The following ERN2 variants were observed in gnomAD, a reference collection of about 807,000 sequenced individuals.
ERN2 encodes endoplasmic reticulum to nucleus signaling 2, also known as serine/threonine-protein kinase/endoribonuclease IRE2.
A neutral mutation model predicts 107.9 loss-of-function variants in ERN2; 111 were observed. The ratio of observed to expected loss-of-function variants is 1.03; its 90% confidence interval spans 0.88 to 1.20. The LOEUF (loss-of-function observed/expected upper bound fraction) is 1.20, where lower values mean the gene tolerates loss of function less well. ERN2 is among the 50% of genes most tolerant of loss of function. The pLI is 0.00. For missense variants in ERN2, 1,225 were observed against 1,197.9 expected, an observed-to-expected ratio of 1.02 and a Z score of -0.33; for synonymous variants, 524 against 501.7, an observed-to-expected ratio of 1.04 and a Z score of -0.59.
intron 4 of ERN2, among the ~76,000 whole-genome samples, chr16:23,708,086 G>T (rs938992741): frequency 1.3e-5 from 2 of 152,096 alleles, no homozygotes; most frequent in Admixed American, 6.6e-5. Context: ...TTCCTCTACC[G>T]AAGCCCTGAG....
At chr16:23,695,725 A>T (rs12933878) in intron 14 of ERN2, among the ~76,000 whole-genome samples, 169 bp downstream of exon 14, 1 of 146,682 alleles carries the variant, frequency 6.8e-6, no homozygotes, top group Non-Finnish European at 1.5e-5. Flanking sequence ...CAAGACTCAA[A>T]AAAAAAAAAA....
Position 23,691,018 on chromosome 16 carries a change from A to C in ERN2, c.2594T>G (p.Val865Gly). ...NKKHHYRELP[V>G]EVRQALGQVP... ...TTGGCCGAGTGCCTGTCGCACCTCA[A>C]CTGGGAGCTCCCTGTAGTGGTGCTT... Residue 865 changes from valine (V) to glycine (G), a missense_variant, in exon 22 of 22, where the codon GTT (valine) becomes GGT (glycine). Physicochemically the swap from Val to Gly is moderately radical, Grantham distance 109. Coordinates refer to ENST00000256797, the MANE Select transcript of ERN2 (RefSeq NM_033266.4). The C allele has an allele frequency of 1.9e-6, 3 of 1,614,190 alleles. No homozygotes were observed. The highest frequency in any genetic ancestry group is 2.5e-6 in the Non-Finnish European group (3 of 1,180,022).
At chr16:23,701,271 A>AT (rs1434811908) in intron 11 of ERN2, among the ~76,000 whole-genome samples, 157 bp from the exon 12 acceptor site, 2 of 152,214 alleles carry the variant, frequency 1.3e-5, no homozygotes, top group Non-Finnish European at 2.9e-5. Context: ...CTGAAACATC[A>AT]TGTTGCCCAG....
At chr16:23,697,921 A>G (rs1362193511) in intron 13 of ERN2, among the ~76,000 whole-genome samples, 1 of 151,970 alleles carries the variant, frequency 6.6e-6, no homozygotes, top group African/African-American at 2.4e-5. Context: ...ATGCCTGGCT[A>G]ATCTTTTTGT....
In ERN2 at chr16:23,691,009, C is replaced by A. The variant is rs750229032; in HGVS notation, c.2603G>T (p.Arg868Leu). Residue 868 changes from arginine to leucine, a missense_variant, in exon 22 of 22, where the codon CGA (arginine) becomes CTA (leucine). Physicochemically the swap from Arg to Leu is moderately radical, Grantham distance 102. Transcript: ENST00000256797. The part of the protein sequence containing the change: ...HHYRELPVEV[R>L]QALGQVPDGF... ...ATCAGGGACTTGGCCGAGTGCCTGT[C>A]GCACCTCAACTGGGAGCTCCCTGTA... 1 of 1,614,144 alleles carries A rather than the reference C, an allele frequency of 6.2e-7. No homozygotes were observed. The highest frequency in any genetic ancestry group is 8.5e-7 in the Non-Finnish European group (1 of 1,180,036).
chr16:23,707,793 A>T (rs902200558), intron 4 of ERN2, among the ~76,000 whole-genome samples: 1 of 152,178 alleles, frequency 6.6e-6, no homozygotes, highest in Non-Finnish European at 1.5e-5. Context: ...AAAATCCAAA[A>T]CAACTCACAT....
chr16:23,708,090 C>T (rs911221940), intron 4 of ERN2, among the ~76,000 whole-genome samples: 7 of 152,172 alleles, frequency 4.6e-5, no homozygotes, highest in African/African-American at 1.7e-4. Flanking sequence ...TCTACCGAAG[C>T]CCTGAGGTCC....
At chr16:23,695,750 G>C in intron 14 of ERN2, 144 bp downstream of exon 14, 1 of 376,798 alleles carries the variant, frequency 2.7e-6, no homozygotes. Context: ...AAAAAAAACA[G>C]ATAAAGGAAA....
In ERN2 at chr16:23,690,956, A is replaced by G; in HGVS notation, c.2656T>C (p.Phe886Leu). 2 of 1,614,126 alleles carry G rather than the reference A, an allele frequency of 1.2e-6. No individual in the cohort carries two copies. The highest frequency in any genetic ancestry group is 1.7e-6 in the Non-Finnish European group (2 of 1,180,042). ...TGCGTGTGGAGGAGCAGCCGTGGGA[A>G]GCGGTTTGTGAAGTACTGGACGAAG... Reference protein sequence around the residue: ...DGFVQYFTNRFPRLLLHTHRA... With the variant: ...DGFVQYFTNRLPRLLLHTHRA... The change falls in exon 22 of 22, where the codon TTC becomes CTC. Residue 886 changes from phenylalanine (F) to leucine (L), a missense_variant. Physicochemically the swap from Phe to Leu is conservative, Grantham distance 22. Transcript: ENST00000256797.
At chr16:23,701,817 G>A (rs1476624541) in intron 11 of ERN2, among the ~76,000 whole-genome samples, 3 of 151,528 alleles carry the variant, frequency 2.0e-5, no homozygotes, top group African/African-American at 4.9e-5. Flanking sequence ...TTATTTTTTT[G>A]TAGAGATGGG....
chr16:23,710,962 G>C lies in ERN2; in HGVS notation c.150C>G (p.Leu50=). ...CCCCTGTCTGCTTGCTTAGTGCGTG[G>C]AGACTTCCATCCAAGGTGGACACCA... ...LLLVSTLDGS[L]HALSKQTGDL... is the part of the protein sequence containing the mutation. The change falls in exon 2 of 22, where the codon CTC becomes CTG. Residue 50 remains leucine, a synonymous_variant. Transcript: ENST00000256797. 1 of 1,614,140 alleles carries C rather than the reference G, an allele frequency of 6.2e-7. No homozygotes were observed. The highest frequency in any genetic ancestry group is 8.5e-7 in the Non-Finnish European group (1 of 1,179,998).
intron 12 of ERN2, 87 bp from the exon 13 acceptor site, chr16:23,700,791 C>A (rs1489039904): frequency 2.7e-6 from 4 of 1,506,596 alleles, no homozygotes; most frequent in African/African-American, 2.8e-5. Context: ...ATGGCCTCAC[C>A]AGACTGCATG....
chr16:23,697,263 T>C (rs1165137237), intron 13 of ERN2: 1 of 152,082 alleles, frequency 6.6e-6, no homozygotes. Context: ...CACCTTAGCA[T>C]TCCTCTGGAT....
rs1960313106 is a variant in ERN2, at chr16:23,706,379, G to A, written c.540C>T (p.Thr180=). ...DPRAPALRWN[T]TYRRYSAPPM... ...GGGGCGCTGAGTAGCGGCGGTAGGT[G>A]GTGTTCCAGCGCAGGGCTGGGGCTC... The change falls in exon 7 of 22, where the codon ACC becomes ACT. Residue 180 remains threonine, a synonymous_variant. Coordinates refer to ENST00000256797, the MANE Select transcript of ERN2 (RefSeq NM_033266.4). The A allele has an allele frequency of 3.2e-6, 5 of 1,570,874 alleles. No homozygotes were observed. The highest frequency in any genetic ancestry group is 4.3e-6 in the Non-Finnish European group (5 of 1,158,560).
At position 23,706,446 on chromosome 16, in the gene ERN2, A is replaced by G; in HGVS notation, c.488-15T>C. 2 of 1,543,118 alleles carry G rather than the reference A, an allele frequency of 1.3e-6. No homozygotes were observed. The highest frequency in any genetic ancestry group is 2.4e-5 in the East Asian group (1 of 41,520). On this transcript the variant is annotated splice_polypyrimidine_tract_variant and intron_variant, in intron 6 of 21. Transcript: ENST00000256797. ...GACCGTATACTCTGGGGATCCCAGA[A>G]GCAAGATTACCAGGAACGTCCATTT...
Position 23,691,143 on chromosome 16 carries a change from C to T in ERN2, c.2554G>A (p.Ala852Thr). 2 of 1,613,962 alleles carry T rather than the reference C, an allele frequency of 1.2e-6. No individual in the cohort carries two copies. The highest frequency in any genetic ancestry group is 2.2e-5 in the South Asian group (2 of 91,076). The change falls in exon 21 of 22, where the codon GCT becomes ACT. Residue 852 changes from alanine to threonine, a missense_variant. Coordinates refer to ENST00000256797, the MANE Select transcript of ERN2 (RefSeq NM_033266.4). ...CCAACACATACCTTGTTCCTCACAGCACGGAGCAGGTCTCGCACTGATGTC... is the reference window on the plus strand; with the variant it reads ...CCAACACATACCTTGTTCCTCACAGTACGGAGCAGGTCTCGCACTGATGTC... ...KGTSVRDLLR[A>T]VRNKKHHYRE... is the part of the protein sequence containing the mutation.
Position 23,694,715 on chromosome 16 carries a change from T to C in ERN2, c.2100+13A>G, listed in dbSNP as rs568630986. On this transcript the variant is annotated intron_variant, in intron 17 of 21. Transcript: ENST00000256797. Reference sequence around the variant, plus strand: ...GCAGCTGTGTGCCTGGAGGACTTGGTGGATAGACTCACAGGACTGTCTGGT... The same window carrying C: ...GCAGCTGTGTGCCTGGAGGACTTGGCGGATAGACTCACAGGACTGTCTGGT... 6 of 1,588,970 alleles carry C rather than the reference T, an allele frequency of 3.8e-6. No homozygotes were observed. The South Asian group carries it at 6.8e-5, about 18-fold the overall frequency.
Position 23,701,094 on chromosome 16 carries a change from C to T in ERN2, c.1224G>A (p.Glu408=). Reference sequence around the variant, plus strand: ...GATGCAGCTCGGAGTCCCAAAGTTTCTCTCGGCTCAGGCTCAATAGCTGGG... The same window carrying T: ...GATGCAGCTCGGAGTCCCAAAGTTTTTCTCGGCTCAGGCTCAATAGCTGGG... ...FFLELLSLSR[E]KLWDSELHPE... is the part of the protein sequence containing the mutation. The change falls in exon 12 of 22, where the codon GAG becomes GAA. Residue 408 remains glutamate, a synonymous_variant. Coordinates refer to ENST00000256797, the MANE Select transcript of ERN2 (RefSeq NM_033266.4). 1 of 1,614,056 alleles carries T rather than the reference C, an allele frequency of 6.2e-7. No homozygotes were observed. The highest frequency in any genetic ancestry group is 8.5e-7 in the Non-Finnish European group (1 of 1,179,956).
rs1298915859 is a variant in ERN2 at position 23,706,343 on chromosome 16, G to A, written c.576C>T (p.Gly192=). ...YRRYSAPPMD[G]SPGKYMSHLA... ...GGTGGAACTCACATTTCCCAGGTGA[G>A]CCATCCATGGGGGGCGCTGAGTAGC... Residue 192 remains glycine, a synonymous_variant, in exon 7 of 22, where the codon GGC becomes GGT. Coordinates refer to ENST00000256797, the MANE Select transcript of ERN2 (RefSeq NM_033266.4). 3 of 1,538,842 alleles carry A rather than the reference G, an allele frequency of 1.9e-6. No homozygotes were observed. The highest frequency in any genetic ancestry group is 2.5e-5 in the South Asian group (2 of 79,376).
Sources: allele counts gnomAD v4.1 joint callset (sites outside exome capture counted in the v4.1 genomes callset), GRCh38; gene constraint gnomAD v4.1.1; transcripts MANE v1.5; gene names NCBI Gene and HGNC (gene_info 2026-07-23, HGNC 2026-07-21).